The following MMP8 variants were observed in gnomAD, a reference collection of about 807,000 sequenced individuals.
MMP8 encodes neutrophil collagenase.
Under a neutral mutation model 51.2 loss-of-function variants are expected in MMP8, and 67 were observed. The ratio of observed to expected loss-of-function variants is 1.31; its 90% CI spans 1.08 to 1.60. MMP8 has a LOEUF of 1.60. Among genes scored for constraint, MMP8 ranks in the 40% most tolerant of loss-of-function variants. MMP8 has a pLI of 0.00. For missense variants in MMP8, 654 were observed against 558.1 expected (o/e 1.17, Z -1.73); for synonymous variants, 225 against 191.0 (o/e 1.18, Z -1.47).
chr11:102,717,004 A>C (rs1861318926), intron 5 of MMP8, among the ~76,000 whole-genome samples: 1 of 152,152 alleles, frequency 6.6e-6, no homozygotes, highest in Admixed American at 6.5e-5. Context: ...GGCAGTTAGG[A>C]TAGGCTCAAC....
chr11:102,712,179 T>C lies in MMP8; in HGVS notation c.*1169A>G, dbSNP rs899652607. 2.0e-5 allele frequency: 3 copies of C among 152,170 alleles called. No individual in the cohort carries two copies. The highest frequency in any genetic ancestry group is 4.8e-5 in the African/African-American group (2 of 41,442). The allele number at this position is 152,170 out of a possible 1,614,324, so 9.4% of individuals were successfully genotyped here. A position where few individuals can be genotyped will look rare whatever the true frequency, so the allele number is the denominator to read the frequency against. On this transcript the variant is annotated 3_prime_UTR_variant, in exon 10 of 10. Coordinates refer to ENST00000236826, the MANE Select transcript of MMP8 (RefSeq NM_002424.3). ...AAGTTATCTATAGTGTGTGCCCTCC[T>C]GAGTACCCCAGGAAATAGAAGTAAA...
At chr11:102,716,280 A>G (rs748021743) in intron 6 of MMP8, 22 bp downstream of exon 6, 1 of 1,491,256 alleles carries the variant, frequency 6.7e-7, no homozygotes, top group Admixed American at 1.8e-5. Context: ...GAATCAAAGG[A>G]AGAAATATTT....
intron 2 of MMP8, among the ~76,000 whole-genome samples, chr11:102,722,083 ATAT>A (rs1031177777): frequency 2.6e-5 from 4 of 152,058 alleles, no homozygotes; most frequent in South Asian, 4.2e-4. Context: ...CAAATATTAG[ATAT>A]TATTATTATT....
chr11:102,713,389 C>A lies in MMP8; in HGVS notation c.1363G>T (p.Val455Phe). 1 of 1,613,688 alleles carries A rather than the reference C, an allele frequency of 6.2e-7. No individual in the cohort carries two copies. The highest frequency in any genetic ancestry group is 1.3e-5 in the African/African-American group (1 of 74,996). ...TTAAGCCATTTATTGCCTCTTGCAA[C>A]TCTGGTAACTCTCTGAGCAATAAGA... is the stretch of plus-strand genomic sequence containing the variant. ...FDLIAQRVTR[V>F]ARGNKWLNCR... The change falls in exon 10 of 10, where the codon GTT becomes TTT. Residue 455 changes from valine (V) to phenylalanine (F), a missense_variant. Coordinates refer to ENST00000236826, the MANE Select transcript of MMP8 (RefSeq NM_002424.3).
intron 4 of MMP8, among the ~76,000 whole-genome samples, chr11:102,719,128 G>T (rs929721394): frequency 2.0e-5 from 3 of 152,210 alleles, no homozygotes; most frequent in African/African-American, 7.2e-5. Context: ...CTACTGGAGA[G>T]AGACAAATCC....
intron 1 of MMP8, chr11:102,723,113 A>G: frequency 8.5e-7 from 1 of 1,182,862 alleles, no homozygotes; most frequent in South Asian, 1.3e-5. Flanking sequence ...GAATTAAGGA[A>G]TTTTCCAAGT....
chr11:102,722,794 A>G, intron 1 of MMP8, 121 bp from the exon 2 acceptor site: 1 of 1,406,438 alleles, frequency 7.1e-7, no homozygotes, highest in East Asian at 2.5e-5. Context: ...AGGAACAATA[A>G]CACAAATTAA....
intron 1 of MMP8, among the ~76,000 whole-genome samples, chr11:102,724,138 C>T (rs562354937): frequency 5.9e-5 from 9 of 152,264 alleles, no homozygotes; most frequent in South Asian, 2.1e-4. Context: ...GAAAACTGTG[C>T]ATGAGAGATT....
Position 102,716,344 on chromosome 11 carries a change from G to T in MMP8, c.860C>A (p.Ala287Asp). Residue 287 changes from alanine to aspartate, a missense_variant, in exon 6 of 10, where the codon GCT (alanine) becomes GAT (aspartate). Ala to Asp is a moderately radical substitution (Grantham distance 126). Transcript: ENST00000236826. ...TATTTCTCCACGGAGTGTGGTGATA[G>T]CATCAAATGTCAAACTGGGGTCACA... is the stretch of plus-strand genomic sequence containing the variant. Reference protein sequence around the residue: ...KPCDPSLTFDAITTLRGEILF... With the variant: ...KPCDPSLTFDDITTLRGEILF... 1 of 1,589,932 alleles carries T rather than the reference G, an allele frequency of 6.3e-7. No individual in the cohort carries two copies. Among genetic ancestry groups the T allele is most frequent in the Non-Finnish European group, 8.6e-7 (1 of 1,166,768 alleles).
chr11:102,716,548 A>G (rs1280578148), intron 5 of MMP8, 129 bp from the exon 6 acceptor site: 3 of 494,378 alleles, frequency 6.1e-6, no homozygotes, highest in African/African-American at 3.9e-5. Flanking sequence ...CTACCAGACT[A>G]TACCATAAAG....
intron 7 of MMP8, 139 bp downstream of exon 7, chr11:102,715,165 C>T (rs1182278256): frequency 9.6e-7 from 1 of 1,045,602 alleles, no homozygotes; most frequent in Non-Finnish European, 1.3e-6. Flanking sequence ...CTGATGGGGC[C>T]CAACCCTAGT....
chr11:102,718,420 T>C lies in MMP8; in HGVS notation c.778A>G (p.Ile260Val), dbSNP rs1243131923. Residue 260 changes from isoleucine to valine, a missense_variant, in exon 5 of 10, where the codon ATC (isoleucine) becomes GTC (valine). Coordinates refer to ENST00000236826, the MANE Select transcript of MMP8 (RefSeq NM_002424.3). ...PQDDIDGIQA[I>V]YGLSSNPIQP... ...TCTCTTGAGAAGACCTTACCATAGA[T>C]GGCCTGAATGCCATCGATGTCATCT... The C allele has an allele frequency of 6.2e-7, 1 of 1,610,684 alleles. No individual in the cohort carries two copies. Among genetic ancestry groups the C allele is most frequent in the Non-Finnish European group, 8.5e-7 (1 of 1,178,372 alleles).
Position 102,713,118 on chromosome 11 carries a change from C to T in MMP8, c.*230G>A, listed in dbSNP as rs34349713. 2.0e-3 allele frequency: 810 copies of T among 403,240 alleles called. 6 individuals are homozygous for T. The highest frequency in any genetic ancestry group is 0.016 in the African/African-American group (751 of 48,284). 25.0% of individuals were successfully genotyped at this position (403,240 alleles called of 1,614,324 possible). ...TGACAAAAAGGCTTACTTTCCTTCTCTTTGATGGAATCACTAATGTAAGAT... is the reference window on the plus strand; with the variant it reads ...TGACAAAAAGGCTTACTTTCCTTCTTTTTGATGGAATCACTAATGTAAGAT... On this transcript the variant is annotated 3_prime_UTR_variant, in exon 10 of 10. Coordinates refer to ENST00000236826, the MANE Select transcript of MMP8 (RefSeq NM_002424.3).
At position 102,716,330 on chromosome 11, in the gene MMP8, G is replaced by C. The variant is rs764770114; in HGVS notation, c.874C>G (p.Arg292Gly). The C allele has an allele frequency of 3.7e-6, 6 of 1,604,666 alleles. No individual in the cohort carries two copies. The Admixed American group carries it at 6.7e-5, about 18-fold the overall frequency. The change falls in exon 6 of 10, where the codon CGT becomes GGT. Residue 292 changes from arginine (R) to glycine (G), a missense_variant. Physicochemically the swap from Arg to Gly is moderately radical, Grantham distance 125 (BLOSUM62 -2). Coordinates refer to ENST00000236826, the MANE Select transcript of MMP8 (RefSeq NM_002424.3). Reference protein sequence around the residue: ...SLTFDAITTLRGEILFFKDRY... With the variant: ...SLTFDAITTLGGEILFFKDRY... ...TCTTTAAAGAAAAGTATTTCTCCAC[G>C]GAGTGTGGTGATAGCATCAAATGTC...
intron 1 of MMP8, 75 bp from the exon 2 acceptor site, chr11:102,722,748 TA>T: frequency 1.9e-6 from 3 of 1,568,914 alleles, no homozygotes; most frequent in Non-Finnish European, 2.6e-6. Flanking sequence ...CAACCCTTTC[TA>T]AGTTACTACA....
chr11:102,721,660 C>T lies in MMP8; in HGVS notation c.450G>A (p.Arg150=), dbSNP rs35010974. Residue 150 remains arginine (R), a synonymous_variant, in exon 3 of 10, where the codon AGG becomes AGA. Coordinates refer to ENST00000236826, the MANE Select transcript of MMP8 (RefSeq NM_002424.3). ...TGATATCTGCCTCTCCCTGTGAGAT[C>T]CTGGTGAAGATGAGAGGTGATGCAA... ...WSVASPLIFT[R]ISQGEADINI... is the part of the protein sequence containing the mutation. 1,264 of 1,613,860 alleles carry T rather than the reference C, an allele frequency of 7.8e-4. 11 individuals are homozygous for T. The African/African-American group carries it at 0.015, about 20-fold the overall frequency.
intron 5 of MMP8, among the ~76,000 whole-genome samples, chr11:102,717,051 G>A (rs1220013689): frequency 3.3e-5 from 5 of 152,072 alleles, no homozygotes; most frequent in Non-Finnish European, 7.4e-5. Flanking sequence ...AAAGTTCCCT[G>A]GTTGTGGCAC....
At chr11:102,722,167 A>G (rs1229883912) in intron 2 of MMP8, among the ~76,000 whole-genome samples, 2 of 145,390 alleles carry the variant, frequency 1.4e-5, no homozygotes, top group Non-Finnish European at 1.5e-5. Context: ...TCCTAAAGTA[A>G]GTGCTTAGAG....
chr11:102,722,816 G>T (rs978716823), intron 1 of MMP8, 143 bp from the exon 2 acceptor site: 43 of 1,318,460 alleles, frequency 3.3e-5, no homozygotes, highest in Non-Finnish European at 4.2e-5. Context: ...TTGTAGGTTG[G>T]CTTTGAGAGA....
Sources: gnomAD v4.1 joint callset for allele counts (sites outside exome capture counted in the v4.1 genomes callset) on GRCh38, gnomAD v4.1.1 for gene constraint, MANE v1.5 for transcripts, NCBI Gene and HGNC (gene_info 2026-07-23, HGNC 2026-07-21) for gene names.